The following CELF4 variants were observed in gnomAD, a reference collection of about 807,000 sequenced individuals.
CELF4 encodes the protein CUG-BP- and ETR-3-like factor 4.
Under a neutral mutation model 59.9 loss-of-function variants are expected in CELF4, and 18 were observed. The ratio of observed to expected loss-of-function variants is 0.30; its 90% CI spans 0.21 to 0.45. CELF4 has a LOEUF of 0.45. Among genes scored for constraint, CELF4 ranks in the 20% least tolerant of loss-of-function variants. CELF4 has a pLI of 1.00. For synonymous variants in CELF4, 261 were observed against 267.1 expected, an observed-to-expected ratio of 0.98 and a Z score of 0.22; for missense variants, 456 against 689.0, an observed-to-expected ratio of 0.66 and a Z score of 3.79.
At chr18:37,556,256 A>G (rs1306210052) in intron 1 of CELF4, among the ~76,000 whole-genome samples, 2 of 152,134 alleles carry the variant, frequency 1.3e-5, no homozygotes, top group East Asian at 3.9e-4. Context: ...TGCACTGAAG[A>G]CCATGCTGCA....
intron 3 of CELF4, among the ~76,000 whole-genome samples, chr18:37,279,176 G>A (rs1284966959): frequency 6.6e-6 from 1 of 152,158 alleles, no homozygotes; most frequent in Non-Finnish European, 1.5e-5. Flanking sequence ...CCCTGAGCCT[G>A]TTGCTTCCCA....
In CELF4 at chr18:37,493,043, C is replaced by T. The variant is rs73433257; in HGVS notation, c.287-7436G>A. On this transcript the variant is annotated intron_variant, in intron 1 of 12. Transcript: ENST00000420428. ...CTGGATCTTCTTCCCTCTCTCTTCC[C>T]ACTCCTCCAAGTACTCCCTGCTGGT... 8.8e-3 allele frequency among the ~76,000 whole-genome samples: 1,337 copies of T among 152,282 alleles called. 11 individuals are homozygous for T. Among genetic ancestry groups the T allele is most frequent in the African/African-American group, 0.028 (1,168 of 41,544 alleles).
chr18:37,273,858 G>C, intron 6 of CELF4: 6 of 998,568 alleles, frequency 6.0e-6, no homozygotes, highest in Non-Finnish European at 7.1e-6. Context: ...GGGGATATCA[G>C]AAGTGTGGGT....
At position 37,485,582 on chromosome 18, in the gene CELF4, C is replaced by A; in HGVS notation, c.312G>T (p.Glu104Asp). 1.4e-6 allele frequency: 2 copies of A among 1,461,084 alleles called. No individual in the cohort carries two copies. Among genetic ancestry groups the A allele is most frequent in the Non-Finnish European group, 1.8e-6 (2 of 1,093,744 alleles). 90.5% of individuals were successfully genotyped at this position (1,461,084 alleles called of 1,614,324 possible). The change falls in exon 2 of 13, where the codon GAG (glutamate) becomes GAT (aspartate). Residue 104 changes from glutamate to aspartate, a missense_variant. This residue lies in a region of CELF4 where 63 missense variants were observed against 110.6 expected (regional missense o/e 0.57). Transcript: ENST00000420428. The part of the protein sequence containing the change: ...HKGCAFLTYC[E>D]RESALKAQSA... Reference sequence around the variant, plus strand: ...TCTGGGCCTTCAGCGCTGACTCACGCTCGCAGTAGGTGAGGAAGGCGCAGC... The same window carrying A: ...TCTGGGCCTTCAGCGCTGACTCACGATCGCAGTAGGTGAGGAAGGCGCAGC...
intron 2 of CELF4, among the ~76,000 whole-genome samples, chr18:37,432,318 C>T (rs566108779): frequency 2.0e-5 from 3 of 152,186 alleles, no homozygotes; most frequent in African/African-American, 7.2e-5. Context: ...CTGAGGAGGC[C>T]CCCAACTCCC....
chr18:37,397,113 C>A (rs2099254759), intron 2 of CELF4, among the ~76,000 whole-genome samples: 2 of 152,038 alleles, frequency 1.3e-5, no homozygotes, highest in South Asian at 4.1e-4. Flanking sequence ...CCCCCAGCTC[C>A]CCACAAACCC....
chr18:37,448,954 C>T lies in CELF4; in HGVS notation c.369+36571G>A, dbSNP rs377329379. On this transcript the variant is annotated intron_variant, in intron 2 of 12. Coordinates refer to ENST00000420428, the MANE Select transcript of CELF4 (RefSeq NM_020180.4). ...AGCTGACTGTTTGATGCCAGCATGG[C>T]CCAAGCCTCATGAGCTCCCCCAATG... is the stretch of plus-strand genomic sequence containing the variant. Among the ~76,000 whole-genome samples the T allele has an allele frequency of 5.3e-3, 812 of 152,334 alleles. 5 individuals are homozygous for T. Among genetic ancestry groups the T allele is most frequent in the African/African-American group, 0.018 (759 of 41,586 alleles).
Position 37,270,842 on chromosome 18 carries a change from G to A in CELF4, c.1025C>T (p.Thr342Ile), listed in dbSNP as rs576623762. ...CCCATTGGCCTGTGGGGGGAGGCCG[G>A]TGAAGCCATTCACCCCAATGGGGGA... Reference protein sequence around the residue: ...IPSPIGVNGFTGLPPQANGQP... With the variant: ...IPSPIGVNGFIGLPPQANGQP... Residue 342 changes from threonine to isoleucine, a missense_variant, in exon 8 of 13, where the codon ACC becomes ATC. By Grantham distance (89) the Thr-to-Ile change is moderately conservative. Transcript: ENST00000420428. 2 of 1,613,798 alleles carry A rather than the reference G, an allele frequency of 1.2e-6. No homozygotes were observed. Among genetic ancestry groups the A allele is most frequent in the East Asian group, 2.2e-5 (1 of 44,878 alleles).
chr18:37,266,685 A>T, intron 8 of CELF4, 87 bp from the exon 9 acceptor site: 1 of 1,181,748 alleles, frequency 8.5e-7, no homozygotes, highest in East Asian at 2.6e-5. Flanking sequence ...ATGTAGCTGT[A>T]CTGCCTTTTC....
At chr18:37,357,626 AAGGTAGATCCACCAAC>A (rs2154558079) in intron 2 of CELF4, among the ~76,000 whole-genome samples, 1 of 152,294 alleles carries the variant, frequency 6.6e-6, no homozygotes, top group Admixed American at 6.5e-5. Flanking sequence ...AGACCCCAGA[AAGGTAGATCCACCAAC>A]AGCTTGCATA....
At chr18:37,498,573 C>A (rs2154603796) in intron 1 of CELF4, among the ~76,000 whole-genome samples, 1 of 151,820 alleles carries the variant, frequency 6.6e-6, no homozygotes, top group Middle Eastern at 3.4e-3. Context: ...TCATGACTAG[C>A]ACCTATATTA....
intron 2 of CELF4, among the ~76,000 whole-genome samples, chr18:37,381,476 G>T (rs560223991): frequency 6.6e-6 from 1 of 152,114 alleles, no homozygotes; most frequent in South Asian, 2.1e-4. Context: ...AAGGCAGGAA[G>T]CTCCTTGAGG....
intron 10 of CELF4, among the ~76,000 whole-genome samples, chr18:37,262,588 G>A (rs1017016764): frequency 2.0e-5 from 3 of 152,158 alleles, no homozygotes; most frequent in African/African-American, 7.2e-5. Flanking sequence ...TTGACCTACG[G>A]CTGTGTGAAG....
At chr18:37,262,814 G>A (rs1453110305) in intron 10 of CELF4, among the ~76,000 whole-genome samples, 1 of 152,134 alleles carries the variant, frequency 6.6e-6, no homozygotes, top group African/African-American at 2.4e-5. Context: ...GGCAAGGCAG[G>A]CCCAGGGCTG....
At chr18:37,516,472 C>T (rs2099950752) in intron 1 of CELF4, among the ~76,000 whole-genome samples, 1 of 152,208 alleles carries the variant, frequency 6.6e-6, no homozygotes, top group Non-Finnish European at 1.5e-5. Flanking sequence ...ACAGAGCCCT[C>T]GCCCCGGCCA....
intron 2 of CELF4, among the ~76,000 whole-genome samples, chr18:37,362,567 C>T (rs2098721545): frequency 1.3e-5 from 2 of 152,096 alleles, no homozygotes; most frequent in African/African-American, 2.4e-5. Context: ...ACCCTTCTGC[C>T]AGGACACAGG....
At chr18:37,375,111 C>G (rs764841494) in intron 2 of CELF4, among the ~76,000 whole-genome samples, 3 of 152,078 alleles carry the variant, frequency 2.0e-5, no homozygotes, top group Non-Finnish European at 4.4e-5. Flanking sequence ...GAAGCTGTGT[C>G]TAGGTTGGGG....
chr18:37,454,274 T>C (rs1187686347), intron 2 of CELF4, among the ~76,000 whole-genome samples: 3 of 152,128 alleles, frequency 2.0e-5, no homozygotes, highest in Non-Finnish European at 2.9e-5. Flanking sequence ...AGAGGATGCA[T>C]CTCAACTCTG....
intron 1 of CELF4, among the ~76,000 whole-genome samples, chr18:37,530,541 C>G (rs28733089): frequency 6.6e-6 from 1 of 152,126 alleles, no homozygotes; most frequent in East Asian, 1.9e-4. Flanking sequence ...TCCCCACTCC[C>G]CCTACCCCCT....
Sources: gnomAD v4.1 joint callset for allele counts (sites outside exome capture counted in the v4.1 genomes callset) on GRCh38, gnomAD v4.1.1 for gene constraint, gnomAD v4.1.1 regional missense constraint, MANE v1.5 for transcripts, NCBI Gene and HGNC (gene_info 2026-07-23, HGNC 2026-07-21) for gene names.